The following DIAPH3 variants were observed in gnomAD, a reference collection of about 807,000 sequenced individuals.
DIAPH3 encodes diaphanous related formin 3, also known as protein diaphanous homolog 3.
Under a neutral mutation model 144.3 loss-of-function variants are expected in DIAPH3, and 117 were observed. The observed-to-expected ratio is 0.81, with a 90% CI of 0.70 to 0.95. DIAPH3 has a LOEUF of 0.95. DIAPH3 is among the 40% of genes least tolerant of loss of function. The probability of loss-of-function intolerance (pLI) is 0.00; values close to 1 mark genes in which losing one functional copy is unlikely to be tolerated. For missense variants in DIAPH3, 1,421 were observed against 1,412.7 expected, an observed-to-expected ratio of 1.01 and a Z score of -0.09; for synonymous variants, 519 against 488.9, an observed-to-expected ratio of 1.06 and a Z score of -0.81.
At chr13:59,774,668 C>A in intron 26 of DIAPH3, 60 bp downstream of exon 26, 1 of 1,481,676 alleles carries the variant, frequency 6.7e-7, no homozygotes, top group Non-Finnish European at 9.4e-7. Flanking sequence ...ATGAGAAAAA[C>A]AGGATTCTTT....
chr13:59,743,607 A>C (rs551662054), intron 27 of DIAPH3, among the ~76,000 whole-genome samples: 6 of 152,320 alleles, frequency 3.9e-5, no homozygotes, highest in African/African-American at 1.4e-4. Flanking sequence ...AACATTTTAA[A>C]GAAAAAGTGG....
chr13:59,989,854 A>T (rs189397565), intron 12 of DIAPH3, among the ~76,000 whole-genome samples: 1 of 152,038 alleles, frequency 6.6e-6, no homozygotes, highest in East Asian at 1.9e-4. Context: ...AAACCATTGA[A>T]AACAAACAAC....
At chr13:59,784,122 GC>G (rs2038900493) in intron 25 of DIAPH3, among the ~76,000 whole-genome samples, 1 of 151,720 alleles carries the variant, frequency 6.6e-6, no homozygotes, top group Admixed American at 6.6e-5. Context: ...TTGCTCTGTC[GC>G]CCAGGCTGGA....
intron 24 of DIAPH3, among the ~76,000 whole-genome samples, chr13:59,826,769 T>C (rs1268539674): frequency 6.6e-6 from 1 of 152,056 alleles, no homozygotes; most frequent in Admixed American, 6.6e-5. Flanking sequence ...TCACGCTACC[T>C]GACTTCAAAC....
intron 12 of DIAPH3, among the ~76,000 whole-genome samples, chr13:59,990,193 A>T (rs1285897909): frequency 6.6e-6 from 1 of 151,832 alleles, no homozygotes; most frequent in Non-Finnish European, 1.5e-5. Context: ...TTCTGGCTAC[A>T]AAGAGAGTAA....
At chr13:60,121,640 C>A (rs563149379) in intron 2 of DIAPH3, among the ~76,000 whole-genome samples, 49 of 152,248 alleles carry the variant, frequency 3.2e-4, no homozygotes, top group African/African-American at 1.1e-3. Context: ...GGAAAGAGAA[C>A]ATTCAAAGAA....
intron 17 of DIAPH3, among the ~76,000 whole-genome samples, chr13:59,963,466 A>G (rs1196186832): frequency 6.6e-6 from 1 of 152,160 alleles, no homozygotes; most frequent in Non-Finnish European, 1.5e-5. Flanking sequence ...CTATTTATTT[A>G]ATACCAAATT....
chr13:59,861,383 A>C (rs1163939201), intron 22 of DIAPH3, 24 bp downstream of exon 22: 1 of 1,613,560 alleles, frequency 6.2e-7, no homozygotes, highest in East Asian at 2.2e-5. Context: ...AGAGCCATGA[A>C]ATGTTTCTTA....
intron 4 of DIAPH3, among the ~76,000 whole-genome samples, chr13:60,091,735 C>G (rs1325273243): frequency 6.6e-6 from 1 of 152,074 alleles, no homozygotes; most frequent in Non-Finnish European, 1.5e-5. Flanking sequence ...AAACAAATTA[C>G]AAAGAAAAAC....
At position 59,994,900 on chromosome 13, in the gene DIAPH3, T is replaced by C. The variant is rs78430858; in HGVS notation, c.1015-2317A>G. Among the ~76,000 whole-genome samples the C allele has an allele frequency of 2.6e-3, 394 of 151,976 alleles. 3 individuals carry two copies. Among genetic ancestry groups the C allele is most frequent in the African/African-American group, 9.1e-3 (377 of 41,502 alleles). On this transcript the variant is annotated intron_variant, in intron 9 of 27. Transcript: ENST00000400324. ...AAATAGTGAAAATCATAAGGAATTT[T>C]ATGCAACAGGGGCACAATAACAGAG...
chr13:60,142,459 T>C (rs1832029558), intron 1 of DIAPH3, among the ~76,000 whole-genome samples: 1 of 152,210 alleles, frequency 6.6e-6, no homozygotes, highest in South Asian at 2.1e-4. Flanking sequence ...CAGTTTAGCA[T>C]GTCTAGAGAA....
Position 59,833,230 on chromosome 13 carries a change from C to A in DIAPH3, c.2904G>T (p.Ser968=), listed in dbSNP as rs1275740286. The part of the protein sequence containing the change: ...ISAKEQYETL[S]KLHENMEKLY... ...ACTTTTCCATGTTTTCGTGTAACTT[C>A]GAAAGTGTCTCATATTGTTCTTTTG... The change falls in exon 24 of 28, where the codon TCG becomes TCT. Residue 968 remains serine, a synonymous_variant. Coordinates refer to ENST00000400324, the MANE Select transcript of DIAPH3 (RefSeq NM_001042517.2). The A allele has an allele frequency of 6.2e-7, 1 of 1,609,212 alleles. No individual in the cohort carries two copies. The highest frequency in any genetic ancestry group is 1.3e-5 in the African/African-American group (1 of 74,670).
At position 59,966,268 on chromosome 13, in the gene DIAPH3, G is replaced by GA. The variant is rs375794367; in HGVS notation, c.2074+3675dup. On this transcript the variant is annotated intron_variant, in intron 17 of 27. Transcript: ENST00000400324. The stretch of plus-strand genomic sequence containing the variant: ...AAGCAGAATAGGTAAGATCTAATTG[G>GA]AAAAAAAAAAGTAGGAATGTAATAA... Among the ~76,000 whole-genome samples the GA allele has an allele frequency of 8.7e-4, 128 of 147,642 alleles. No individual in the cohort carries two copies. The East Asian group carries it at 0.01, about 12-fold the overall frequency.
intron 25 of DIAPH3, among the ~76,000 whole-genome samples, chr13:59,799,636 G>T (rs1309768920): frequency 6.6e-6 from 1 of 152,254 alleles, no homozygotes; most frequent in East Asian, 1.9e-4. Flanking sequence ...ATTTTATGGG[G>T]TCTGCATAAA....
At chr13:59,899,068 T>C (rs1386873676) in intron 20 of DIAPH3, among the ~76,000 whole-genome samples, 1 of 152,184 alleles carries the variant, frequency 6.6e-6, no homozygotes, top group African/African-American at 2.4e-5. Context: ...CTCCAAGTTC[T>C]TCAGCTTTTG....
chr13:59,867,274 T>C (rs1308222456), intron 21 of DIAPH3, among the ~76,000 whole-genome samples: 2 of 151,238 alleles, frequency 1.3e-5, no homozygotes, highest in African/African-American at 2.4e-5. Flanking sequence ...CCGGCATAGA[T>C]GACAGAGTGA....
intron 27 of DIAPH3, among the ~76,000 whole-genome samples, chr13:59,682,726 A>G (rs768038996): frequency 6.6e-6 from 1 of 151,852 alleles, no homozygotes; most frequent in African/African-American, 2.4e-5. Flanking sequence ...ATCATTGTCT[A>G]TAATAATCTT....
At chr13:60,123,221 T>A (rs1272677870) in intron 2 of DIAPH3, among the ~76,000 whole-genome samples, 1 of 152,198 alleles carries the variant, frequency 6.6e-6, no homozygotes, top group South Asian at 2.1e-4. Context: ...TAAGATCAAG[T>A]GACCTTCCAG....
At chr13:60,082,122 C>CA (rs1223789408) in intron 4 of DIAPH3, among the ~76,000 whole-genome samples, 2 of 150,224 alleles carry the variant, frequency 1.3e-5, no homozygotes, top group African/African-American at 2.5e-5. Flanking sequence ...AAGACACACT[C>CA]AAAAATGCAG....
Sources: allele counts gnomAD v4.1 joint callset (sites outside exome capture counted in the v4.1 genomes callset), GRCh38; gene constraint gnomAD v4.1.1; transcripts MANE v1.5; gene names NCBI Gene and HGNC (gene_info 2026-07-23, HGNC 2026-07-21).